SCFD2: variants seen among roughly 807,000 people sequenced by gnomAD.
The protein encoded by SCFD2 is sec1 family domain containing 2, also known as sec1 family domain-containing protein 2.
Under a neutral mutation model 58.9 loss-of-function variants are expected in SCFD2, and 54 were observed. The observed-to-expected ratio is 0.92, with a 90% confidence interval of 0.74 to 1.15. The LOEUF (loss-of-function observed/expected upper bound fraction) is 1.15. Ranked by LOEUF, SCFD2 falls within the 50% of genes most tolerant of loss-of-function variation. The pLI is 0.00. For synonymous variants in SCFD2, 321 were observed against 335.9 expected (o/e 0.96, Z 0.49); for missense variants, 805 against 836.6 (o/e 0.96, Z 0.47).
chr4:53,185,876 T>C (rs1379804543), intron 4 of SCFD2, among the ~76,000 whole-genome samples: 1 of 152,138 alleles, frequency 6.6e-6, no homozygotes, highest in Non-Finnish European at 1.5e-5. Flanking sequence ...AGAAATATCC[T>C]GCCCTCCTTG....
At chr4:52,978,890 A>G (rs1721310104) in intron 5 of SCFD2, among the ~76,000 whole-genome samples, 3 of 152,120 alleles carry the variant, frequency 2.0e-5, no homozygotes, top group African/African-American at 4.8e-5. Flanking sequence ...TCCCTAAGAA[A>G]AATGTGTTTA....
At chr4:53,179,299 C>A (rs184630805) in intron 4 of SCFD2, among the ~76,000 whole-genome samples, 343 of 152,256 alleles carry the variant, frequency 2.3e-3, no homozygotes, top group Non-Finnish European at 3.8e-3. Flanking sequence ...AACAGCTGAT[C>A]GCTCGGCAGA....
chr4:53,046,095 T>C (rs1018023820), intron 5 of SCFD2, among the ~76,000 whole-genome samples: 6 of 152,180 alleles, frequency 3.9e-5, no homozygotes, highest in Admixed American at 3.9e-4. Flanking sequence ...TATTTTCAGC[T>C]TAGTTTTCAT....
intron 5 of SCFD2, among the ~76,000 whole-genome samples, chr4:53,036,885 T>C (rs1722778749): frequency 6.6e-6 from 1 of 152,162 alleles, no homozygotes; most frequent in African/African-American, 2.4e-5. Flanking sequence ...ATTTTTGTGA[T>C]ATTCTGGAAA....
rs373822950 is a variant in SCFD2, at chr4:53,268,441, C to A, written c.1311+5385G>T. On this transcript the variant is annotated intron_variant, in intron 4 of 8. Coordinates refer to ENST00000401642, the MANE Select transcript of SCFD2 (RefSeq NM_152540.4). The stretch of plus-strand genomic sequence containing the variant: ...GCAGCCCTGCATGGGTTGTCAGAAC[C>A]AAAGCAGGTGACAAAAGGTATCCAG... Among the ~76,000 whole-genome samples the A allele has an allele frequency of 1.6e-4, 25 of 152,206 alleles. 1 individual carries two copies. The South Asian group carries it at 2.1e-3, about 13-fold the overall frequency.
intron 4 of SCFD2, among the ~76,000 whole-genome samples, chr4:53,250,529 A>C (rs1173618158): frequency 6.6e-6 from 1 of 152,228 alleles, no homozygotes; most frequent in Non-Finnish European, 1.5e-5. Context: ...AAGAACAGAA[A>C]TTATAACAAA....
At chr4:52,981,131 A>G (rs1721367766) in intron 5 of SCFD2, among the ~76,000 whole-genome samples, 1 of 152,210 alleles carries the variant, frequency 6.6e-6, no homozygotes, top group South Asian at 2.1e-4. Context: ...TCTAGTTTGG[A>G]TGTCTGACAA....
chr4:53,215,622 C>T lies in SCFD2; in HGVS notation c.1311+58204G>A, dbSNP rs10033465. Among the ~76,000 whole-genome samples the T allele has an allele frequency of 6.1e-3, 930 of 152,144 alleles. 15 individuals are homozygous for T. Among genetic ancestry groups the T allele is most frequent in the African/African-American group, 0.02 (819 of 41,458 alleles). ...ACAATTTGACTTCCTCTTTTCCTAA[C>T]TGAATGCCCTTTATTTCCTTCTCCT... On this transcript the variant is annotated intron_variant, in intron 4 of 8. Coordinates refer to ENST00000401642, the MANE Select transcript of SCFD2 (RefSeq NM_152540.4).
intron 4 of SCFD2, among the ~76,000 whole-genome samples, chr4:53,183,767 C>T (rs879930891): frequency 6.6e-6 from 1 of 152,028 alleles, no homozygotes; most frequent in African/African-American, 2.4e-5. Flanking sequence ...TACATTTTGG[C>T]TACTAGGATG....
At chr4:53,038,445 T>C (rs768495358) in intron 5 of SCFD2, among the ~76,000 whole-genome samples, 4 of 152,184 alleles carry the variant, frequency 2.6e-5, no homozygotes, top group Non-Finnish European at 5.9e-5. Context: ...GGCTCCTTTA[T>C]ATTTCCTTAC....
chr4:53,199,102 G>A (rs1449396805), intron 4 of SCFD2, among the ~76,000 whole-genome samples: 1 of 152,026 alleles, frequency 6.6e-6, no homozygotes, highest in Non-Finnish European at 1.5e-5. Context: ...ACTAGTTTGA[G>A]GGGCCAAGGT....
chr4:53,237,313 G>A (rs1211573208), intron 4 of SCFD2, among the ~76,000 whole-genome samples: 6 of 151,384 alleles, frequency 4.0e-5, no homozygotes, highest in Non-Finnish European at 8.8e-5. Context: ...ATTCCACAAA[G>A]CCGCCATTGT....
intron 3 of SCFD2, among the ~76,000 whole-genome samples, chr4:53,301,980 C>G (rs533533025): frequency 1.6e-4 from 25 of 152,228 alleles, no homozygotes; most frequent in Admixed American, 1.6e-3. Flanking sequence ...CTATGACAAA[C>G]CCACAGCCAG....
At position 53,366,035 on chromosome 4, in the gene SCFD2, T is replaced by A. The variant is rs1734698171; in HGVS notation, c.-94A>T. On this transcript the variant is annotated 5_prime_UTR_variant, in exon 1 of 9. Coordinates refer to ENST00000401642, the MANE Select transcript of SCFD2 (RefSeq NM_152540.4). ...ATTGGGCTCCGGGAGACTTTGACAG[T>A]CTCCACAGTACACGTGGTCGGCCTC... is the stretch of plus-strand genomic sequence containing the variant. 1.4e-6 allele frequency: 2 copies of A among 1,419,666 alleles called. No individual in the cohort carries two copies. The highest frequency in any genetic ancestry group is 4.6e-5 in the East Asian group (2 of 43,394). 87.9% of individuals were successfully genotyped at this position (1,419,666 alleles called of 1,614,324 possible). A position where few individuals can be genotyped will look rare whatever the true frequency, so the allele number is the denominator to read the frequency against.
At chr4:53,228,012 C>T (rs1729279940) in intron 4 of SCFD2, among the ~76,000 whole-genome samples, 1 of 152,154 alleles carries the variant, frequency 6.6e-6, no homozygotes. Flanking sequence ...TGAATCCAGG[C>T]TCCACCACTT....
intron 4 of SCFD2, among the ~76,000 whole-genome samples, chr4:53,155,181 T>C (rs1228371976): frequency 2.0e-5 from 3 of 152,204 alleles, no homozygotes; most frequent in Non-Finnish European, 2.9e-5. Flanking sequence ...GCAGAGAATC[T>C]GGTACACGGT....
intron 4 of SCFD2, among the ~76,000 whole-genome samples, chr4:53,175,007 AT>A (rs1727286676): frequency 6.6e-6 from 1 of 152,108 alleles, no homozygotes; most frequent in Non-Finnish European, 1.5e-5. Flanking sequence ...CTCAGCTCTA[AT>A]TTCAGTTTAC....
chr4:53,306,456 G>A (rs991168698), intron 3 of SCFD2, among the ~76,000 whole-genome samples: 9 of 152,012 alleles, frequency 5.9e-5, no homozygotes, highest in African/African-American at 1.9e-4. Context: ...GGAATAATAC[G>A]TATCAGAAAG....
At chr4:53,213,184 G>C (rs771757495) in intron 4 of SCFD2, among the ~76,000 whole-genome samples, 1 of 152,086 alleles carries the variant, frequency 6.6e-6, no homozygotes, top group Admixed American at 6.6e-5. Flanking sequence ...AGAAAGTCCA[G>C]TTGCATATAA....
Sources: allele counts gnomAD v4.1 joint callset (sites outside exome capture counted in the v4.1 genomes callset), GRCh38; gene constraint gnomAD v4.1.1; transcripts MANE v1.5; gene names NCBI Gene and HGNC (gene_info 2026-07-23, HGNC 2026-07-21).